PRAME: variants seen among roughly 807,000 people sequenced by gnomAD.
The protein encoded by PRAME is melanoma antigen preferentially expressed in tumors.
PRAME carries 21 observed loss-of-function variants against 32.1 expected under a neutral mutation model. The ratio of observed to expected loss-of-function variants is 0.65; its 90% CI spans 0.46 to 0.94. The LOEUF is 0.94. Among genes scored for constraint, PRAME ranks in the 40% least tolerant of loss-of-function variants. PRAME has a pLI of 0.00. For missense variants in PRAME, 651 were observed against 622.3 expected, an observed-to-expected ratio of 1.05 and a Z score of -0.49; for synonymous variants, 274 against 251.5, an observed-to-expected ratio of 1.09 and a Z score of -0.85.
chr22:22,549,935 G>C lies in PRAME; in HGVS notation c.744C>G (p.Thr248=), dbSNP rs374804239. 2 of 1,613,746 alleles carry C rather than the reference G, an allele frequency of 1.2e-6. No homozygotes were observed. The highest frequency in any genetic ancestry group is 1.7e-5 in the Admixed American group (1 of 59,970). Residue 248 remains threonine (T), a synonymous_variant, in exon 5 of 6, where the codon ACC becomes ACG. Transcript: ENST00000405655. The part of the protein sequence containing the change: ...LEVTCTWKLP[T]LAKFSPYLGQ... ...CCAGGTAAGGAGAAAATTTCGCCAA[G>C]GTGGGTAGCTTCCAGGTACAAGTCA...
chr22:22,555,033 G>A (rs920806982), intron 3 of PRAME, among the ~76,000 whole-genome samples: 3 of 151,992 alleles, frequency 2.0e-5, no homozygotes, highest in Non-Finnish European at 2.9e-5. Context: ...TTGCACAAAG[G>A]TGCTGTCCTT....
chr22:22,555,457 C>CA (rs1031703314), intron 3 of PRAME, among the ~76,000 whole-genome samples: 1 of 151,924 alleles, frequency 6.6e-6, no homozygotes, highest in Non-Finnish European at 1.5e-5. Flanking sequence ...AGGCTGGTCT[C>CA]AAACTCCTGA....
rs780206008 is a variant in PRAME, at chr22:22,548,576, G to A, written c.1021C>T (p.His341Tyr). ...CTGACGCTGGGACTCTGGGACAGATGCATCACATCCCCTTCCGAAAGCCGG... is the reference window on the plus strand; with the variant it reads ...CTGACGCTGGGACTCTGGGACAGATACATCACATCCCCTTCCGAAAGCCGG... ...NCRLSEGDVM[H>Y]LSQSPSVSQL... The change falls in exon 6 of 6, where the codon CAT becomes TAT. Residue 341 changes from histidine to tyrosine, a missense_variant. By Grantham distance (83) the His-to-Tyr change is moderately conservative. Coordinates refer to ENST00000405655, the MANE Select transcript of PRAME (RefSeq NM_206956.3). 1.2e-6 allele frequency: 2 copies of A among 1,612,600 alleles called. No individual in the cohort carries two copies. The highest frequency in any genetic ancestry group is 1.3e-5 in the African/African-American group (1 of 74,824).
rs960519031 is a variant in PRAME at position 22,549,726 on chromosome 22, C to T, written c.953G>A (p.Arg318Lys). The change falls in exon 5 of 6, where the codon AGG becomes AAG. Residue 318 changes from arginine (R) to lysine (K), a missense_variant and splice_region_variant. By Grantham distance (26) the Arg-to-Lys change is conservative. Transcript: ENST00000405655. Reference protein sequence around the residue: ...FLRGRLDQLLRHVMNPLETLS... With the variant: ...FLRGRLDQLLKHVMNPLETLS... The stretch of plus-strand genomic sequence containing the variant: ...GCAGAGAAATCTCACCATCCCTCAC[C>T]TGAGCAACTGATCCAGGCGGCCTCT... The T allele has an allele frequency of 3.1e-6, 5 of 1,595,910 alleles. No individual in the cohort carries two copies. The highest frequency in any genetic ancestry group is 3.6e-4 in the Middle Eastern group (2 of 5,584).
chr22:22,548,521 A>G lies in PRAME; in HGVS notation c.1076T>C (p.Val359Ala). 6.2e-7 allele frequency: 1 copy of G among 1,613,494 alleles called. No homozygotes were observed. The highest frequency in any genetic ancestry group is 2.2e-5 in the East Asian group (1 of 44,742). ...CTCGGGACTTACATCGGTCAGCATG[A>G]CCCCACTTAGACTCAGGACACTTAG... ...SQLSVLSLSG[V>A]MLTDVSPEPL... Residue 359 changes from valine to alanine, a missense_variant, in exon 6 of 6, where the codon GTC (valine) becomes GCC (alanine). Val to Ala is a moderately conservative substitution (Grantham distance 64). Transcript: ENST00000405655.
intron 3 of PRAME, among the ~76,000 whole-genome samples, chr22:22,554,968 C>A (rs927618768): frequency 6.6e-6 from 1 of 151,994 alleles, no homozygotes; most frequent in Non-Finnish European, 1.5e-5. Context: ...CTCTGTCCAG[C>A]TTCACACTGC....
chr22:22,552,861 A>T (rs1313508494), intron 3 of PRAME: 2 of 470,770 alleles, frequency 4.2e-6, no homozygotes, highest in African/African-American at 4.0e-5. Context: ...GGAAGACCAC[A>T]ACATTGACTC....
At chr22:22,552,586 A>G (rs2062654116) in intron 3 of PRAME, among the ~76,000 whole-genome samples, 1 of 152,018 alleles carries the variant, frequency 6.6e-6, no homozygotes, top group South Asian at 2.1e-4. Context: ...TACCCTATAA[A>G]TATGTACAAT....
At chr22:22,555,932 C>A (rs1479537850) in intron 3 of PRAME, 1 of 469,842 alleles carries the variant, frequency 2.1e-6, no homozygotes, top group Non-Finnish European at 4.4e-6. Flanking sequence ...CGTCTGATTA[C>A]CCCGGGGAAA....
intron 3 of PRAME, chr22:22,554,149 C>T: frequency 1.0e-6 from 1 of 985,120 alleles, no homozygotes; most frequent in Non-Finnish European, 1.2e-6. Context: ...AGGGATGATT[C>T]CTATCCTGGG....
chr22:22,553,064 A>C (rs1351367856), intron 3 of PRAME: 1 of 383,622 alleles, frequency 2.6e-6, no homozygotes, highest in East Asian at 7.4e-5. Flanking sequence ...GTCTATTTAC[A>C]AAAAGGAAAG....
intron 3 of PRAME, among the ~76,000 whole-genome samples, 166 bp downstream of exon 3, chr22:22,556,646 G>A (rs769683955): frequency 6.6e-6 from 1 of 151,928 alleles, no homozygotes; most frequent in Non-Finnish European, 1.5e-5. Flanking sequence ...AGCACGGGAA[G>A]TGAAATGCTC....
intron 3 of PRAME, among the ~76,000 whole-genome samples, chr22:22,551,966 A>G (rs1386132119): frequency 4.0e-5 from 6 of 151,532 alleles, no homozygotes; most frequent in African/African-American, 1.5e-4. Context: ...TACAGTTACC[A>G]TCTTGTATAC....
intron 3 of PRAME, among the ~76,000 whole-genome samples, chr22:22,555,398 G>A (rs558700815): frequency 9.9e-5 from 15 of 151,882 alleles, no homozygotes; most frequent in South Asian, 2.1e-4. Flanking sequence ...CCCCACACAC[G>A]GCTATATTTT....
At chr22:22,555,638 G>A (rs1015493607) in intron 3 of PRAME, among the ~76,000 whole-genome samples, 2 of 151,820 alleles carry the variant, frequency 1.3e-5, no homozygotes, top group East Asian at 3.9e-4. Context: ...CAAAGTGCTG[G>A]GATTACAGGC....
intron 3 of PRAME, chr22:22,552,831 G>A (rs868600380): frequency 8.5e-6 from 4 of 470,648 alleles, no homozygotes; most frequent in African/African-American, 4.0e-5. Flanking sequence ...TGGTGCAGAA[G>A]CCATCTGCCC....
At chr22:22,558,416 G>A (rs1356859921) in intron 1 of PRAME, among the ~76,000 whole-genome samples, 1 of 31,514 alleles carries the variant, frequency 3.2e-5, no homozygotes, top group East Asian at 1.3e-3. Flanking sequence ...GGGAATGGGG[G>A]AAGGGAAACA....
chr22:22,552,273 T>C (rs972824065), intron 3 of PRAME, among the ~76,000 whole-genome samples: 21 of 151,382 alleles, frequency 1.4e-4, no homozygotes, highest in African/African-American at 4.4e-4. Flanking sequence ...TTTTTTAACC[T>C]TGTAGTTAAA....
In PRAME at chr22:22,548,515, A is replaced by G; in HGVS notation, c.1082T>C (p.Leu361Pro). 6.2e-7 allele frequency: 1 copy of G among 1,613,788 alleles called. No individual in the cohort carries two copies. Among genetic ancestry groups the G allele is most frequent in the Non-Finnish European group, 8.5e-7 (1 of 1,179,964 alleles). The change falls in exon 6 of 6, where the codon CTG becomes CCG. Residue 361 changes from leucine to proline, a missense_variant. Transcript: ENST00000405655. ...LSVLSLSGVMLTDVSPEPLQA... is the reference protein window; with the variant it reads ...LSVLSLSGVMPTDVSPEPLQA... ...GAGGGGCTCGGGACTTACATCGGTC[A>G]GCATGACCCCACTTAGACTCAGGAC... is the stretch of plus-strand genomic sequence containing the variant.
Sources: allele counts gnomAD v4.1 joint callset (sites outside exome capture counted in the v4.1 genomes callset), GRCh38; gene constraint gnomAD v4.1.1; transcripts MANE v1.5; gene names NCBI Gene and HGNC (gene_info 2026-07-23, HGNC 2026-07-21).